Variants in HOXA10 observed in about 807,000 individuals in gnomAD.
HOXA10 encodes the protein homeobox A10, also known as homeobox protein Hox-A10.
In HOXA10, 12 loss-of-function variants were observed where a neutral mutation model predicts 29.7. The observed-to-expected ratio is 0.40, with a 90% CI of 0.26 to 0.65. The LOEUF (loss-of-function observed/expected upper bound fraction) is 0.65, where lower values mean the gene tolerates loss of function less well. HOXA10 is among the 30% of genes least tolerant of loss of function. The pLI is 0.37. For missense variants in HOXA10, 656 were observed against 585.9 expected (o/e 1.12, Z -1.24); for synonymous variants, 327 against 280.7 (o/e 1.16, Z -1.65).
Position 27,170,630 on chromosome 7 carries a change from A to C in HOXA10, c.*1269T>G, listed in dbSNP as rs1441725842. 2.8e-6 allele frequency: 1 copy of C among 360,416 alleles called. No individual in the cohort carries two copies. Among genetic ancestry groups the C allele is most frequent in the African/African-American group, 2.1e-5 (1 of 46,750 alleles). 22.3% of individuals were successfully genotyped at this position (360,416 alleles called of 1,614,324 possible). On this transcript the variant is annotated 3_prime_UTR_variant, in exon 2 of 2. Coordinates refer to ENST00000283921, the MANE Select transcript of HOXA10 (RefSeq NM_018951.4). The stretch of plus-strand genomic sequence containing the variant: ...TTCATTCCACAGCTTTTATTCTATA[A>C]GAACATAAACATCGTCTTTTTCCAC...
At chr7:27,174,341 T>TC (rs765467369), upstream of HOXA10, 110 of 1,595,396 alleles carry the variant, frequency 6.9e-5, no homozygotes, top group South Asian at 1.2e-4. Flanking sequence ...CGATTAGCAA[T>TC]CCCCCCGCAC....
At chr7:27,177,924 C>T (rs1323444806), upstream of HOXA10, among the ~76,000 whole-genome samples, 3 of 152,180 alleles carry the variant, frequency 2.0e-5, no homozygotes, top group Non-Finnish European at 4.4e-5. Flanking sequence ...CATTTCTACC[C>T]GGGTAATAAC....
Position 27,173,892 on chromosome 7 carries a change from G to A in HOXA10, c.415C>T (p.Gln139Ter). 4 of 1,544,264 alleles carry A rather than the reference G, an allele frequency of 2.6e-6. No homozygotes were observed. The highest frequency in any genetic ancestry group is 1.4e-5 in the African/African-American group (1 of 71,870). ...GGTTGCGGCGGGGGCGGCGGCTGCT[G>A]CTGGGGCGGCGGCGGCGGCCCGTCA... ...PPDGPPPPPQ[Q>*]QPPPPPQPPQ... The change falls in exon 1 of 2, where the codon CAG (glutamine) becomes TAG (stop). Residue 139 changes from glutamine (Q) to a stop codon, truncating the protein, a stop_gained. Transcript: ENST00000283921. LOFTEE classifies it high-confidence loss of function.
chr7:27,177,151 A>C (rs961385117), upstream of HOXA10, among the ~76,000 whole-genome samples: 11 of 152,248 alleles, frequency 7.2e-5, no homozygotes, highest in Non-Finnish European at 1.3e-4. Flanking sequence ...TCTGCTACAA[A>C]AGGCTGCCCC....
upstream of HOXA10, among the ~76,000 whole-genome samples, chr7:27,177,536 T>A (rs1258057352): frequency 1.3e-5 from 2 of 152,136 alleles, no homozygotes; most frequent in Non-Finnish European, 2.9e-5. Context: ...CTTGGCCCTC[T>A]CAGTTGGTCT....
chr7:27,173,159 G>C (rs963509488), intron 1 of HOXA10, among the ~76,000 whole-genome samples, 190 bp downstream of exon 1: 4 of 152,210 alleles, frequency 2.6e-5, no homozygotes, highest in Admixed American at 2.6e-4. Context: ...GCTGTGGGGC[G>C]CTAAGCCGGA....
In HOXA10 at chr7:27,174,006, C is replaced by G; in HGVS notation, c.301G>C (p.Gly101Arg). Residue 101 changes from glycine (G) to arginine (R), a missense_variant, in exon 1 of 2, where the codon GGG becomes CGG. This residue lies in a region of HOXA10 where 594 missense variants were observed against 491.9 expected (regional missense o/e 1.21). Coordinates refer to ENST00000283921, the MANE Select transcript of HOXA10 (RefSeq NM_018951.4). The part of the protein sequence containing the change: ...AASPGSGGGG[G>R]GLGPGAHGYG... Reference sequence around the variant, plus strand: ...CCGTGCGCCCCGGGACCTAGACCCCCGCCACCGCCACCGCTGCCCGGCGAC... The same window carrying G: ...CCGTGCGCCCCGGGACCTAGACCCCGGCCACCGCCACCGCTGCCCGGCGAC... The G allele has an allele frequency of 6.5e-7, 1 of 1,528,314 alleles. No individual in the cohort carries two copies. Among genetic ancestry groups the G allele is most frequent in the African/African-American group, 1.4e-5 (1 of 71,334 alleles). 94.7% of individuals were successfully genotyped at this position (1,528,314 alleles called of 1,614,324 possible). A position where few individuals can be genotyped will look rare whatever the true frequency, so the allele number is the denominator to read the frequency against.
At chr7:27,179,145 C>G (rs1783705364), upstream of HOXA10, among the ~76,000 whole-genome samples, 1 of 152,176 alleles carries the variant, frequency 6.6e-6, no homozygotes, top group African/African-American at 2.4e-5. Flanking sequence ...TTTTTCGGAA[C>G]AAAGGTTTTC....
At position 27,173,439 on chromosome 7, in the gene HOXA10, C is replaced by T. The variant is rs1251288672; in HGVS notation, c.868G>A (p.Glu290Lys). The T allele has an allele frequency of 1.7e-5, 26 of 1,562,142 alleles. No individual in the cohort carries two copies. In the East Asian group the frequency reaches 1.9e-4, roughly 11 times the overall value. ...GCCGAGGACGACGCGTGCGCCTCCT[C>T]GTCGCCCTGCGAGCCCCCGCCGCTG... is the stretch of plus-strand genomic sequence containing the variant. ...CGSGGGSQGD[E>K]EAHASSSAAE... Residue 290 changes from glutamate to lysine, a missense_variant, in exon 1 of 2, where the codon GAG (glutamate) becomes AAG (lysine). Physicochemically the swap from Glu to Lys is moderately conservative, Grantham distance 56. Coordinates refer to ENST00000283921, the MANE Select transcript of HOXA10 (RefSeq NM_018951.4).
upstream of HOXA10, among the ~76,000 whole-genome samples, chr7:27,178,169 T>C (rs962383088): frequency 2.0e-5 from 3 of 152,224 alleles, no homozygotes; most frequent in Non-Finnish European, 4.4e-5. Flanking sequence ...CTCTGAATTA[T>C]CCAGCGGTGG....
upstream of HOXA10, among the ~76,000 whole-genome samples, chr7:27,176,739 G>A (rs1783660359): frequency 6.6e-6 from 1 of 152,180 alleles, no homozygotes; most frequent in Non-Finnish European, 1.5e-5. Context: ...ATCTGGGAAG[G>A]TCCAGTATAT....
chr7:27,172,028 C>G lies in HOXA10; in HGVS notation c.1104G>C (p.Glu368Asp), dbSNP rs985467155. ...NMYLTRERRLEISRSVHLTDR... is the reference protein window; with the variant it reads ...NMYLTRERRLDISRSVHLTDR... Reference sequence around the variant, plus strand: ...CCGTGAGGTGGACGCTGCGGCTAATCTCTAGGCGCCGCTCTCGAGTAAGGT... The same window carrying G: ...CCGTGAGGTGGACGCTGCGGCTAATGTCTAGGCGCCGCTCTCGAGTAAGGT... Residue 368 changes from glutamate (E) to aspartate (D), a missense_variant, in exon 2 of 2, where the codon GAG becomes GAC. Glu to Asp is a conservative substitution (Grantham distance 45, BLOSUM62 2). This residue lies in a region of HOXA10 where 62 missense variants were observed against 94.0 expected (regional missense o/e 0.66). Transcript: ENST00000283921. 5.6e-6 allele frequency: 9 copies of G among 1,613,898 alleles called. No homozygotes were observed. Among genetic ancestry groups the G allele is most frequent in the Non-Finnish European group, 7.6e-6 (9 of 1,179,960 alleles).
In HOXA10 at chr7:27,173,443, G is replaced by A; in HGVS notation, c.864C>T (p.Gly288=). 1.3e-6 allele frequency: 2 copies of A among 1,542,380 alleles called. No individual in the cohort carries two copies. Among genetic ancestry groups the A allele is most frequent in the East Asian group, 2.4e-5 (1 of 40,962 alleles). Residue 288 remains glycine, a synonymous_variant, in exon 1 of 2, where the codon GGC becomes GGT. Coordinates refer to ENST00000283921, the MANE Select transcript of HOXA10 (RefSeq NM_018951.4). ...AGGACGACGCGTGCGCCTCCTCGTC[G>A]CCCTGCGAGCCCCCGCCGCTGCCGC... ...LACGSGGGSQ[G]DEEAHASSSA...
rs780578143 is a variant in HOXA10 at position 27,173,628 on chromosome 7, C to T, written c.679G>A (p.Gly227Ser). The T allele has an allele frequency of 3.2e-6, 5 of 1,541,734 alleles. No homozygotes were observed. The African/African-American group carries it at 5.6e-5, about 17-fold the overall frequency. Residue 227 changes from glycine (G) to serine (S), a missense_variant, in exon 1 of 2, where the codon GGC becomes AGC. Gly to Ser is a moderately conservative substitution (Grantham distance 56). Transcript: ENST00000283921. The part of the protein sequence containing the change: ...SQAYGTAKGY[G>S]SGGGGAQQLG... ...TGCTGCGCGCCGCCGCCGCCGCTGCCATAGCCCTTGGCGGTGCCGTAGGCC... is the reference window on the plus strand; with the variant it reads ...TGCTGCGCGCCGCCGCCGCCGCTGCTATAGCCCTTGGCGGTGCCGTAGGCC...
At chr7:27,177,970 C>T (rs1783682569), upstream of HOXA10, among the ~76,000 whole-genome samples, 1 of 152,176 alleles carries the variant, frequency 6.6e-6, no homozygotes, top group African/African-American at 2.4e-5. Flanking sequence ...AACACCAGGC[C>T]CATGGATTAA....
At chr7:27,174,973 C>T (rs1481459980), upstream of HOXA10, 1 of 152,692 alleles carries the variant, frequency 6.5e-6, no homozygotes, top group Non-Finnish European at 1.5e-5. Context: ...TAGCCCCTAA[C>T]CCCCAACACT....
In HOXA10 at chr7:27,171,404, C is replaced by T. The variant is rs972759225; in HGVS notation, c.*495G>A. The stretch of plus-strand genomic sequence containing the variant: ...AAGAAAGAAAAAAGAAACCCAGGGG[C>T]CTGTATCCCCTGATTAAACACAGCA... On this transcript the variant is annotated 3_prime_UTR_variant, in exon 2 of 2. Coordinates refer to ENST00000283921, the MANE Select transcript of HOXA10 (RefSeq NM_018951.4). 4.4e-6 allele frequency: 2 copies of T among 455,136 alleles called. No individual in the cohort carries two copies. Among genetic ancestry groups the T allele is most frequent in the Admixed American group, 2.3e-5 (1 of 42,592 alleles). The allele number at this position is 455,136 out of a possible 1,614,324, so 28.2% of individuals were successfully genotyped here.
Position 27,173,493 on chromosome 7 carries a change from A to T in HOXA10, c.814T>A (p.Ser272Thr). The T allele has an allele frequency of 1.3e-6, 2 of 1,534,372 alleles. No individual in the cohort carries two copies. Among genetic ancestry groups the T allele is most frequent in the Non-Finnish European group, 1.7e-6 (2 of 1,145,570 alleles). Reference sequence around the variant, plus strand: ...CAAGCCAGCGTGGGGGGCGGCGGCGAATCGAGGGCTCGCTCCTTCCGGGCC... The same window carrying T: ...CAAGCCAGCGTGGGGGGCGGCGGCGTATCGAGGGCTCGCTCCTTCCGGGCC... ...DAARKERALD[S>T]PPPPTLACGS... The change falls in exon 1 of 2, where the codon TCG becomes ACG. Residue 272 changes from serine (S) to threonine (T), a missense_variant. Coordinates refer to ENST00000283921, the MANE Select transcript of HOXA10 (RefSeq NM_018951.4).
chr7:27,177,254 C>T (rs189588152), upstream of HOXA10, among the ~76,000 whole-genome samples: 138 of 152,354 alleles, frequency 9.1e-4, 2 homozygotes, highest in Admixed American at 7.2e-3. Context: ...TGTGGTGAGC[C>T]AGATGTGTTT....
Sources: allele counts gnomAD v4.1 joint callset (sites outside exome capture counted in the v4.1 genomes callset), GRCh38; gene constraint gnomAD v4.1.1; regional missense constraint gnomAD v4.1.1; transcripts MANE v1.5; gene names NCBI Gene and HGNC (gene_info 2026-07-23, HGNC 2026-07-21).